The following EBF2 variants were observed in gnomAD, a reference collection of about 807,000 sequenced individuals.
EBF2 encodes the protein EBF transcription factor 2, also known as transcription factor COE2.
EBF2 carries 21 observed loss-of-function variants against 72.8 expected under a neutral mutation model. The ratio of observed to expected loss-of-function variants is 0.29; its 90% CI spans 0.20 to 0.42. The LOEUF is 0.42. EBF2 is among the 10% of genes least tolerant of loss of function. The pLI is 1.00. For missense variants in EBF2, 637 were observed against 731.2 expected, an observed-to-expected ratio of 0.87 and a Z score of 1.49; for synonymous variants, 299 against 274.2, an observed-to-expected ratio of 1.09 and a Z score of -0.89.
intron 2 of EBF2, among the ~76,000 whole-genome samples, chr8:26,041,858 A>G (rs537958487): frequency 1.3e-5 from 2 of 152,244 alleles, no homozygotes; most frequent in African/African-American, 4.8e-5. Flanking sequence ...GGCGCTACTA[A>G]GGCCTCCAGG....
chr8:25,955,187 G>T (rs1041755369), intron 6 of EBF2, among the ~76,000 whole-genome samples: 1 of 152,246 alleles, frequency 6.6e-6, no homozygotes, highest in Non-Finnish European at 1.5e-5. Flanking sequence ...CCACAGACAA[G>T]GACCCTTGGG....
intron 6 of EBF2, among the ~76,000 whole-genome samples, chr8:25,943,342 G>C (rs1422169323): frequency 1.4e-5 from 2 of 143,958 alleles, no homozygotes; most frequent in South Asian, 2.3e-4. Flanking sequence ...AAGAAAGAAA[G>C]AAAGAGAAAG....
At chr8:25,892,688 A>G (rs1260743481) in intron 7 of EBF2, among the ~76,000 whole-genome samples, 1 of 152,244 alleles carries the variant, frequency 6.6e-6, no homozygotes, top group East Asian at 1.9e-4. Context: ...ATAGTGTCAC[A>G]TCTTGAACAT....
intron 6 of EBF2, among the ~76,000 whole-genome samples, chr8:25,980,903 T>C (rs1376891767): frequency 4.8e-4 from 2 of 4,200 alleles, no homozygotes; most frequent in African/African-American, 1.4e-3. Context: ...TGGTGGGGGG[T>C]GACCCCCTTC....
At chr8:25,865,885 C>T (rs1047704657) in intron 10 of EBF2, among the ~76,000 whole-genome samples, 2 of 151,752 alleles carry the variant, frequency 1.3e-5, no homozygotes, top group African/African-American at 2.4e-5. Flanking sequence ...ATTAGCCGGG[C>T]GTGGTGGCGG....
At chr8:25,851,579 CT>C (rs1211460692) in intron 14 of EBF2, among the ~76,000 whole-genome samples, 2 of 151,718 alleles carry the variant, frequency 1.3e-5, no homozygotes, top group Non-Finnish European at 2.9e-5. Flanking sequence ...CTATGTTCAA[CT>C]TAAGAAAGGA....
chr8:25,878,247 C>T lies in EBF2; in HGVS notation c.1009+8508G>A, dbSNP rs115679665. Reference sequence around the variant, plus strand: ...CCAGAATGACTTTTTGTCCACCTTGCCATTGGAGGTGAGTGGTTTGTCTAG... The same window carrying T: ...CCAGAATGACTTTTTGTCCACCTTGTCATTGGAGGTGAGTGGTTTGTCTAG... On this transcript the variant is annotated intron_variant, in intron 10 of 15. Coordinates refer to ENST00000520164, the MANE Select transcript of EBF2 (RefSeq NM_022659.4). 7.9e-4 allele frequency among the ~76,000 whole-genome samples: 121 copies of T among 152,322 alleles called. 2 individuals carry two copies. Among genetic ancestry groups the T allele is most frequent in the African/African-American group, 2.8e-3 (118 of 41,578 alleles).
At chr8:25,960,295 C>T (rs1254476687) in intron 6 of EBF2, among the ~76,000 whole-genome samples, 1 of 152,172 alleles carries the variant, frequency 6.6e-6, no homozygotes, top group Non-Finnish European at 1.5e-5. Flanking sequence ...GGATTCCTAT[C>T]GAAGAACCAA....
At position 25,922,251 on chromosome 8, in the gene EBF2, A is replaced by G. The variant is rs1331837279; in HGVS notation, c.552-13696T>C. ...CAAACTGATGAGGCTGTTTTTGCTT[A>G]AAAAAAAAAAACAAACAAAAAAAAC... On this transcript the variant is annotated intron_variant, in intron 6 of 15. Transcript: ENST00000520164. Among the ~76,000 whole-genome samples, 6 of 36,700 alleles carry G rather than the reference A, an allele frequency of 1.6e-4. No individual in the cohort carries two copies. In the East Asian group the frequency reaches 0.014, roughly 83 times the overall value. 24.1% of individuals were successfully genotyped at this position (36,700 alleles called of 152,430 possible). A position where few individuals can be genotyped will look rare whatever the true frequency, so the allele number is the denominator to read the frequency against.
chr8:25,858,852 G>A (rs545561757), intron 13 of EBF2, among the ~76,000 whole-genome samples: 14 of 151,884 alleles, frequency 9.2e-5, no homozygotes, highest in Admixed American at 2.6e-4. Context: ...GTGGAGACGG[G>A]AATTCACCAT....
intron 6 of EBF2, among the ~76,000 whole-genome samples, chr8:26,030,413 C>T (rs1445601034): frequency 2.2e-5 from 3 of 136,058 alleles, no homozygotes; most frequent in Middle Eastern, 3.6e-3. Context: ...CATCACACAC[C>T]GGGGACTGTT....
chr8:25,935,818 G>C (rs1803570141), intron 6 of EBF2, among the ~76,000 whole-genome samples: 1 of 152,194 alleles, frequency 6.6e-6, no homozygotes. Flanking sequence ...CATGATTGAT[G>C]AGATTTAACT....
intron 7 of EBF2, 54 bp downstream of exon 7, chr8:25,908,420 G>A: frequency 7.7e-7 from 1 of 1,298,056 alleles, no homozygotes; most frequent in East Asian, 2.3e-5. Flanking sequence ...GAGTGAGAAG[G>A]AGAGAGAAAA....
intron 5 of EBF2, among the ~76,000 whole-genome samples, chr8:26,038,901 C>T (rs1196071249): frequency 1.3e-5 from 2 of 152,206 alleles, no homozygotes; most frequent in Non-Finnish European, 2.9e-5. Context: ...GCCCGTAAAA[C>T]AGTACACACT....
intron 2 of EBF2, among the ~76,000 whole-genome samples, chr8:26,041,866 A>G (rs1805606172): frequency 6.6e-6 from 1 of 152,152 alleles, no homozygotes; most frequent in Admixed American, 6.5e-5. Flanking sequence ...TAAGGCCTCC[A>G]GGCTCGGTGC....
intron 6 of EBF2, among the ~76,000 whole-genome samples, chr8:25,998,427 A>C (rs1804671557): frequency 6.6e-6 from 1 of 152,196 alleles, no homozygotes; most frequent in Admixed American, 6.5e-5. Flanking sequence ...AGGAATGTCC[A>C]ACTCTGAAAG....
At chr8:25,938,111 G>A (rs574079401) in intron 6 of EBF2, among the ~76,000 whole-genome samples, 1 of 152,270 alleles carries the variant, frequency 6.6e-6, no homozygotes, top group South Asian at 2.1e-4. Flanking sequence ...CTGGGGTGTC[G>A]TGGGATTTAC....
At chr8:26,034,904 A>T (rs554216154) in intron 5 of EBF2, among the ~76,000 whole-genome samples, 1 of 152,326 alleles carries the variant, frequency 6.6e-6, no homozygotes, top group African/African-American at 2.4e-5. Flanking sequence ...TCTGGTGTCC[A>T]AGCTGTCACC....
At chr8:25,889,158 T>G (rs1206788017) in intron 8 of EBF2, among the ~76,000 whole-genome samples, 1 of 152,166 alleles carries the variant, frequency 6.6e-6, no homozygotes, top group African/African-American at 2.4e-5. Flanking sequence ...ACCAGTGAGT[T>G]GGGGAGTGCA....
Sources: gnomAD v4.1 joint callset for allele counts (sites outside exome capture counted in the v4.1 genomes callset) on GRCh38, gnomAD v4.1.1 for gene constraint, MANE v1.5 for transcripts, NCBI Gene and HGNC (gene_info 2026-07-23, HGNC 2026-07-21) for gene names.